The following MECOM variants were observed in gnomAD, a reference collection of about 807,000 sequenced individuals.
MECOM encodes the protein MDS1 and EVI1 complex locus, also known as histone-lysine N-methyltransferase MECOM.
MECOM carries 13 observed loss-of-function variants against 116.3 expected under a neutral mutation model. The observed-to-expected ratio is 0.11, with a 90% CI of 0.07 to 0.18. The LOEUF is 0.18. Ranked by LOEUF, MECOM falls within the 10% of genes least tolerant of loss-of-function variation. The probability of loss-of-function intolerance (pLI) is 1.00; values close to 1 mark genes in which losing one functional copy is unlikely to be tolerated. For synonymous variants in MECOM, 528 were observed against 535.2 expected (o/e 0.99, Z 0.19); for missense variants, 1,299 against 1,509.0 (o/e 0.86, Z 2.31).
At chr3:169,163,795 G>T (rs567022773) in intron 2 of MECOM, among the ~76,000 whole-genome samples, 236 of 152,208 alleles carry the variant, frequency 1.6e-3, no homozygotes, top group African/African-American at 5.5e-3. Context: ...TGGCATTTAA[G>T]GTCACTCCGA....
At chr3:169,148,563 A>C (rs1397692803) in intron 2 of MECOM, among the ~76,000 whole-genome samples, 2 of 152,196 alleles carry the variant, frequency 1.3e-5, no homozygotes, top group African/African-American at 2.4e-5. Context: ...AATGGACAAA[A>C]TCCAACTCCC....
chr3:169,642,827 G>T (rs1350333809), intron 1 of MECOM, among the ~76,000 whole-genome samples: 2 of 151,714 alleles, frequency 1.3e-5, no homozygotes, highest in Admixed American at 1.3e-4. Context: ...AAGTCTCCTT[G>T]GCCAACTGAA....
At chr3:169,294,450 CA>C (rs1233121283) in intron 2 of MECOM, among the ~76,000 whole-genome samples, 2 of 152,030 alleles carry the variant, frequency 1.3e-5, no homozygotes, top group East Asian at 3.9e-4. Context: ...AGGTCACAAA[CA>C]AAGTAAAAAT....
At chr3:169,435,146 G>A (rs2108579286) in intron 1 of MECOM, among the ~76,000 whole-genome samples, 1 of 152,182 alleles carries the variant, frequency 6.6e-6, no homozygotes, top group East Asian at 1.9e-4. Context: ...CAGCAATGAT[G>A]GTCTTTTTCT....
Position 169,485,995 on chromosome 3 carries a change from G to GTATA in MECOM, c.38-104475_38-104472dup, listed in dbSNP as rs1254284879. ...ATACATATATATATAGTATATATAT[G>GTATA]TATATATATACTATATATATATGTA... On this transcript the variant is annotated intron_variant, in intron 1 of 16. Transcript: ENST00000651503. 2.6e-4 allele frequency among the ~76,000 whole-genome samples: 17 copies of GTATA among 65,088 alleles called. 1 individual carries two copies. The highest frequency in any genetic ancestry group is 2.1e-3 in the South Asian group (4 of 1,892). The allele number at this position is 65,088 out of a possible 152,430, so 42.7% of individuals were successfully genotyped here. A position where few individuals can be genotyped will look rare whatever the true frequency, so the allele number is the denominator to read the frequency against.
chr3:169,553,361 G>T (rs747550779), intron 1 of MECOM, among the ~76,000 whole-genome samples: 1 of 152,156 alleles, frequency 6.6e-6, no homozygotes, highest in Non-Finnish European at 1.5e-5. Flanking sequence ...AAATAAAGCA[G>T]GATGGTATGA....
rs535088109 is a variant in MECOM, at chr3:169,482,610, G to C, written c.38-101086C>G. Among the ~76,000 whole-genome samples, 34 of 151,894 alleles carry C rather than the reference G, an allele frequency of 2.2e-4. No individual in the cohort carries two copies. The South Asian group carries it at 6.7e-3, about 30-fold the overall frequency. On this transcript the variant is annotated intron_variant, in intron 1 of 16. Transcript: ENST00000651503. ...CGGCCTCCCAAAGTGCTGGGATTAC[G>C]GGCGTGAGCCACCGCGCCCGGCAAC...
At chr3:169,176,118 A>G (rs370247978) in intron 2 of MECOM, among the ~76,000 whole-genome samples, 1 of 142,742 alleles carries the variant, frequency 7.0e-6, no homozygotes, top group Admixed American at 6.9e-5. Flanking sequence ...GAAAAAAAAA[A>G]CAACACACAC....
intron 1 of MECOM, among the ~76,000 whole-genome samples, chr3:169,599,778 A>G (rs1767606359): frequency 6.6e-6 from 1 of 152,214 alleles, no homozygotes; most frequent in African/African-American, 2.4e-5. Context: ...CAACACCACA[A>G]CATGATAAAT....
chr3:169,360,745 A>G (rs1018976352), intron 2 of MECOM, among the ~76,000 whole-genome samples: 5 of 151,854 alleles, frequency 3.3e-5, no homozygotes, highest in African/African-American at 1.2e-4. Context: ...AATAAGGTCA[A>G]CATCTTGTTA....
intron 2 of MECOM, among the ~76,000 whole-genome samples, chr3:169,180,425 C>T (rs574479591): frequency 5.9e-5 from 9 of 152,086 alleles, no homozygotes; most frequent in East Asian, 3.9e-4. Flanking sequence ...TGTTTTGATG[C>T]GCAAGGTACT....
At chr3:169,144,873 C>T in intron 2 of MECOM, 1 of 718,506 alleles carries the variant, frequency 1.4e-6, no homozygotes, top group Non-Finnish European at 2.4e-6. Context: ...ATAACTCCTA[C>T]AGATCTCTGC....
chr3:169,179,533 T>C (rs1407716027), intron 2 of MECOM, among the ~76,000 whole-genome samples: 1 of 152,140 alleles, frequency 6.6e-6, no homozygotes, highest in African/African-American at 2.4e-5. Flanking sequence ...TCTAAAACAA[T>C]AGGTGGGGCC....
chr3:169,652,963 A>T (rs753205324), intron 1 of MECOM, among the ~76,000 whole-genome samples: 3 of 152,210 alleles, frequency 2.0e-5, no homozygotes, highest in Admixed American at 6.5e-5. Flanking sequence ...GACTCCTTTG[A>T]CATTCTCCAG....
chr3:169,362,886 G>C (rs765946087), intron 2 of MECOM, among the ~76,000 whole-genome samples: 8 of 151,868 alleles, frequency 5.3e-5, no homozygotes, highest in Admixed American at 2.0e-4. Flanking sequence ...CCATTTCTGT[G>C]GGATCCTTTT....
intron 1 of MECOM, among the ~76,000 whole-genome samples, chr3:169,477,353 A>T (rs1750648889): frequency 6.6e-6 from 1 of 151,886 alleles, no homozygotes; most frequent in Non-Finnish European, 1.5e-5. Flanking sequence ...CCCATGGGCA[A>T]AGAATTGCAC....
At chr3:169,474,818 G>A (rs552148633) in intron 1 of MECOM, among the ~76,000 whole-genome samples, 5 of 51,564 alleles carry the variant, frequency 9.7e-5, no homozygotes, top group African/African-American at 7.8e-4. Context: ...TTAGCTTAGT[G>A]TCTAGTACTT....
intron 16 of MECOM, among the ~76,000 whole-genome samples, chr3:169,087,112 A>C (rs1718028958): frequency 6.6e-6 from 1 of 152,214 alleles, no homozygotes; most frequent in Non-Finnish European, 1.5e-5. Context: ...TAACAGTAAC[A>C]GTCCAGCTGG....
intron 2 of MECOM, among the ~76,000 whole-genome samples, chr3:169,363,108 C>T (rs1728574198): frequency 6.6e-6 from 1 of 151,904 alleles, no homozygotes; most frequent in Non-Finnish European, 1.5e-5. Context: ...AACAAAACTT[C>T]ATATTAATAT....
Sources: allele counts gnomAD v4.1 joint callset (sites outside exome capture counted in the v4.1 genomes callset), GRCh38; gene constraint gnomAD v4.1.1; transcripts MANE v1.5; gene names NCBI Gene and HGNC (gene_info 2026-07-23, HGNC 2026-07-21).